Variants in TPH2 observed in about 807,000 individuals in gnomAD.
TPH2 encodes tryptophan 5-hydroxylase 2.
Under a neutral mutation model 59.1 loss-of-function variants are expected in TPH2, and 27 were observed. That is an observed-to-expected ratio of 0.46 (90% confidence interval 0.34 to 0.63). TPH2 has a LOEUF of 0.63. Ranked by LOEUF, TPH2 falls within the 30% of genes least tolerant of loss-of-function variation. The probability of loss-of-function intolerance (pLI) is 0.01; values close to 1 mark genes in which losing one functional copy is unlikely to be tolerated. For missense variants in TPH2, 523 were observed against 588.3 expected (o/e 0.89, Z 1.15); for synonymous variants, 220 against 210.5 (o/e 1.05, Z -0.39).
At chr12:71,981,901 T>C (rs1872287654) in intron 7 of TPH2, among the ~76,000 whole-genome samples, 1 of 151,846 alleles carries the variant, frequency 6.6e-6, no homozygotes, top group Non-Finnish European at 1.5e-5. Context: ...CTTCCAAGTC[T>C]CCTATGACTA....
chr12:71,940,824 T>A (rs899337300), intron 1 of TPH2, among the ~76,000 whole-genome samples: 2 of 152,240 alleles, frequency 1.3e-5, no homozygotes, highest in African/African-American at 4.8e-5. Flanking sequence ...AAGTGGCTAA[T>A]GAAGTGTTAA....
At chr12:71,980,014 G>A (rs1298163359) in intron 7 of TPH2, among the ~76,000 whole-genome samples, 1 of 152,166 alleles carries the variant, frequency 6.6e-6, no homozygotes, top group Non-Finnish European at 1.5e-5. Flanking sequence ...TCCATGAAGT[G>A]CTAATAAGTG....
At chr12:72,010,093 C>A (rs1873060315) in intron 8 of TPH2, among the ~76,000 whole-genome samples, 1 of 152,170 alleles carries the variant, frequency 6.6e-6, no homozygotes, top group African/African-American at 2.4e-5. Flanking sequence ...ACCTAAAACT[C>A]AGAATGGTTA....
At chr12:72,019,619 T>C (rs1353625041) in intron 8 of TPH2, among the ~76,000 whole-genome samples, 2 of 152,242 alleles carry the variant, frequency 1.3e-5, no homozygotes, top group Admixed American at 6.5e-5. Context: ...GGTTTTGTTA[T>C]ACATAGAATG....
intron 9 of TPH2, among the ~76,000 whole-genome samples, chr12:72,025,420 T>A (rs1873540712): frequency 6.6e-6 from 1 of 152,190 alleles, no homozygotes; most frequent in Admixed American, 6.5e-5. Context: ...GGGCTAAATT[T>A]TCCTGAGACA....
At position 71,985,706 on chromosome 12, in the gene TPH2, A is replaced by T. The variant is rs114694199; in HGVS notation, c.941+6619A>T. ...GCCACTGTACCTGGCCTTGAAAGGG[A>T]TACTTCCTTACTTTTATTTGGTGAC... On this transcript the variant is annotated intron_variant, in intron 7 of 10. Transcript: ENST00000333850. Among the ~76,000 whole-genome samples the T allele has an allele frequency of 2.6e-3, 394 of 152,130 alleles. 2 individuals are homozygous for T. Among genetic ancestry groups the T allele is most frequent in the African/African-American group, 9.0e-3 (375 of 41,500 alleles).
At chr12:71,939,395 CAAAAA>C in intron 1 of TPH2, among the ~76,000 whole-genome samples, 1 of 121,660 alleles carries the variant, frequency 8.2e-6, no homozygotes, top group Admixed American at 8.8e-5. Flanking sequence ...AATCTACAGC[CAAAAA>C]AAAAAAAAAA....
intron 8 of TPH2, among the ~76,000 whole-genome samples, chr12:72,015,144 G>A (rs11179048): frequency 0.041 from 6,219 of 152,016 alleles, 229 homozygotes; most frequent in East Asian, 0.15. Flanking sequence ...GGTGGTAAAG[G>A]GGTAAGTGGG....
At chr12:71,973,743 TG>T (rs1357275313) in intron 6 of TPH2, among the ~76,000 whole-genome samples, 1 of 152,236 alleles carries the variant, frequency 6.6e-6, no homozygotes, top group African/African-American at 2.4e-5. Context: ...AATCCTCACT[TG>T]GGGTCTGGAA....
intron 2 of TPH2, 100 bp from the exon 3 acceptor site, chr12:71,944,194 G>A (rs1871143078): frequency 1.7e-6 from 2 of 1,196,940 alleles, no homozygotes; most frequent in African/African-American, 3.0e-5. Context: ...TTCCTCTTGT[G>A]TGGGTACTTG....
intron 5 of TPH2, among the ~76,000 whole-genome samples, chr12:71,968,789 CA>C (rs1365457275): frequency 6.6e-6 from 1 of 152,098 alleles, no homozygotes; most frequent in Non-Finnish European, 1.5e-5. Flanking sequence ...ACAGGTGGTA[CA>C]GGAGGAATTT....
rs376604013 is a variant in TPH2 at position 72,019,188 on chromosome 12, C to G, written c.1069-3211C>G. The stretch of plus-strand genomic sequence containing the variant: ...TCTGCGATATTTACTTCTCCCAACC[C>G]CCTGCCATCCCTAGCCCAAGTCATA... On this transcript the variant is annotated intron_variant, in intron 8 of 10. Coordinates refer to ENST00000333850, the MANE Select transcript of TPH2 (RefSeq NM_173353.4). Among the ~76,000 whole-genome samples, 6 of 152,134 alleles carry G rather than the reference C, an allele frequency of 3.9e-5. 1 individual carries two copies. Among genetic ancestry groups the G allele is most frequent in the Admixed American group, 3.3e-4 (5 of 15,278 alleles).
At chr12:71,951,573 C>A (rs1435274778) in intron 5 of TPH2, among the ~76,000 whole-genome samples, 1 of 152,114 alleles carries the variant, frequency 6.6e-6, no homozygotes. Flanking sequence ...TTCTCAAACT[C>A]CTGGGCTCAA....
intron 6 of TPH2, among the ~76,000 whole-genome samples, chr12:71,977,359 CT>C (rs1872149957): frequency 6.6e-6 from 1 of 151,992 alleles, no homozygotes; most frequent in Non-Finnish European, 1.5e-5. Flanking sequence ...GCCTGGTAAT[CT>C]AGAGATTTAA....
At chr12:72,028,962 G>T (rs1592419395) in intron 9 of TPH2, among the ~76,000 whole-genome samples, 1 of 152,148 alleles carries the variant, frequency 6.6e-6, no homozygotes, top group South Asian at 2.1e-4. Flanking sequence ...GCCTTTTCTT[G>T]ATCTACTTTA....
At chr12:72,025,097 T>C (rs2139247675) in intron 9 of TPH2, among the ~76,000 whole-genome samples, 1 of 152,284 alleles carries the variant, frequency 6.6e-6, no homozygotes, top group South Asian at 2.1e-4. Flanking sequence ...TGAGTACTTT[T>C]AACCTTTATT....
chr12:72,025,696 T>C (rs1307229106), intron 9 of TPH2, among the ~76,000 whole-genome samples: 1 of 152,126 alleles, frequency 6.6e-6, no homozygotes, highest in Non-Finnish European at 1.5e-5. Context: ...TGCATTTGGG[T>C]GGGGCTTTTC....
intron 5 of TPH2, chr12:71,962,048 C>T (rs1240276019): frequency 3.9e-6 from 4 of 1,025,692 alleles, no homozygotes; most frequent in Middle Eastern, 9.7e-4. Flanking sequence ...CGCAAATGCT[C>T]TTTACCTGAC....
At position 71,982,748 on chromosome 12, in the gene TPH2, T is replaced by G. The variant is rs182208201; in HGVS notation, c.941+3661T>G. ...GTGTTTCCAAATAACTGCTTTCAGTTGCTGAACTGTTGTAGTGGAGGCTGC... is the reference window on the plus strand; with the variant it reads ...GTGTTTCCAAATAACTGCTTTCAGTGGCTGAACTGTTGTAGTGGAGGCTGC... On this transcript the variant is annotated intron_variant, in intron 7 of 10. Transcript: ENST00000333850. Among the ~76,000 whole-genome samples, 350 of 152,330 alleles carry G rather than the reference T, an allele frequency of 2.3e-3. 4 individuals carry two copies. The highest frequency in any genetic ancestry group is 8.0e-3 in the African/African-American group (331 of 41,572).
Sources: gnomAD v4.1 joint callset for allele counts (sites outside exome capture counted in the v4.1 genomes callset) on GRCh38, gnomAD v4.1.1 for gene constraint, MANE v1.5 for transcripts, NCBI Gene and HGNC (gene_info 2026-07-23, HGNC 2026-07-21) for gene names.